The following CXCL5 variants were observed in gnomAD, a reference collection of about 807,000 sequenced individuals.
CXCL5 encodes the protein C-X-C motif chemokine 5.
Under a neutral mutation model 12.1 loss-of-function variants are expected in CXCL5, and 13 were observed. The ratio of observed to expected loss-of-function variants is 1.08; its 90% CI spans 0.70 to 1.71. The LOEUF (loss-of-function observed/expected upper bound fraction) is 1.71. Among genes scored for constraint, CXCL5 ranks in the 40% most tolerant of loss-of-function variants. The pLI is 0.00. For synonymous variants in CXCL5, 67 were observed against 59.0 expected, an observed-to-expected ratio of 1.14 and a Z score of -0.62; for missense variants, 159 against 142.4, an observed-to-expected ratio of 1.12 and a Z score of -0.59.
In CXCL5 at chr4:73,995,875, T is replaced by G. The variant is rs1719180765; in HGVS notation, c.*1762A>C. 1 of 148,934 alleles carries G rather than the reference T, an allele frequency of 6.7e-6. No individual in the cohort carries two copies. Among genetic ancestry groups the G allele is most frequent in the Non-Finnish European group, 1.5e-5 (1 of 67,330 alleles). The allele number at this position is 148,934 out of a possible 1,614,324, so 9.2% of individuals were successfully genotyped here. A position where few individuals can be genotyped will look rare whatever the true frequency, so the allele number is the denominator to read the frequency against. On this transcript the variant is annotated 3_prime_UTR_variant, in exon 4 of 4. Coordinates refer to ENST00000296027, the MANE Select transcript of CXCL5 (RefSeq NM_002994.5). ...AATATATAATATATAAATACATACG[T>G]TTTTACCAAGAAATGTTTTATTTTT...
chr4:73,998,005 C>G lies in CXCL5; in HGVS notation c.326+7G>C, dbSNP rs371956029. The G allele has an allele frequency of 1.1e-5, 18 of 1,612,334 alleles. No individual in the cohort carries two copies. The highest frequency in any genetic ancestry group is 1.5e-5 in the Non-Finnish European group (18 of 1,178,382). ...TTAGAAACCACAAAGATCAAAGTGA[C>G]AAGTACCCGTCCAAAATTTTCTGGA... On this transcript the variant is annotated splice_region_variant and intron_variant, in intron 3 of 3. Transcript: ENST00000296027.
At chr4:73,997,941 T>TAAAG in intron 3 of CXCL5, 71 bp downstream of exon 3, 1 of 1,275,540 alleles carries the variant, frequency 7.8e-7, no homozygotes, top group Non-Finnish European at 1.1e-6. Flanking sequence ...GTACAGAGAA[T>TAAAG]AAAGACCTTG....
Position 73,998,233 on chromosome 4 carries a change from C to T in CXCL5, c.215G>A (p.Gly72Asp), listed in dbSNP as rs199676653. 1.9e-5 allele frequency: 30 copies of T among 1,613,962 alleles called. No individual in the cohort carries two copies. The highest frequency in any genetic ancestry group is 2.4e-5 in the Non-Finnish European group (28 of 1,180,004). Residue 72 changes from glycine (G) to aspartate (D), a missense_variant, in exon 2 of 4, where the codon GGC becomes GAC. Gly to Asp is a moderately conservative substitution (Grantham distance 94). Transcript: ENST00000296027. ...MISNLQVFAI[G>D]PQCSKVEVVA... ...CACTTCCACCTTGGAGCACTGTGGG[C>T]CTATGGCGAACACTTGCAGATTACT...
In CXCL5 at chr4:73,998,284, G is replaced by C; in HGVS notation, c.164C>G (p.Thr55Arg). 2 of 1,614,154 alleles carry C rather than the reference G, an allele frequency of 1.2e-6. No individual in the cohort carries two copies. The highest frequency in any genetic ancestry group is 2.7e-5 in the African/African-American group (2 of 75,038). ...RELRCVCLQT[T>R]QGVHPKMISN... is the part of the protein sequence containing the mutation. ...GATCATTTTGGGATGAACTCCTTGC[G>C]TGGTCTGTAAACAAACGCAACGCAG... Residue 55 changes from threonine (T) to arginine (R), a missense_variant, in exon 2 of 4, where the codon ACG becomes AGG. Coordinates refer to ENST00000296027, the MANE Select transcript of CXCL5 (RefSeq NM_002994.5).
At position 73,996,462 on chromosome 4, in the gene CXCL5, G is replaced by A. The variant is rs920171004; in HGVS notation, c.*1175C>T. On this transcript the variant is annotated 3_prime_UTR_variant, in exon 4 of 4. Coordinates refer to ENST00000296027, the MANE Select transcript of CXCL5 (RefSeq NM_002994.5). ...TGGGGAGGGAACTTGCCCCAGCGTG[G>A]CCACCTTATATATAATTATATATTC... is the stretch of plus-strand genomic sequence containing the variant. 2.0e-5 allele frequency: 3 copies of A among 152,568 alleles called. No individual in the cohort carries two copies. The highest frequency in any genetic ancestry group is 7.2e-5 in the African/African-American group (3 of 41,414). The allele number at this position is 152,568 out of a possible 1,614,324, so 9.5% of individuals were successfully genotyped here.
In CXCL5 at chr4:73,998,207, C is replaced by A; in HGVS notation, c.241G>T (p.Val81Leu). The A allele has an allele frequency of 6.2e-7, 1 of 1,614,218 alleles. No homozygotes were observed. Among genetic ancestry groups the A allele is most frequent in the South Asian group, 1.1e-5 (1 of 91,076 alleles). Residue 81 changes from valine to leucine, a missense_variant and splice_region_variant, in exon 2 of 4, where the codon GTA (valine) becomes TTA (leucine). Coordinates refer to ENST00000296027, the MANE Select transcript of CXCL5 (RefSeq NM_002994.5). ...CGGACACAGCAGCACAGAACTTACACCACTTCCACCTTGGAGCACTGTGGG... is the reference window on the plus strand; with the variant it reads ...CGGACACAGCAGCACAGAACTTACAACACTTCCACCTTGGAGCACTGTGGG... ...IGPQCSKVEV[V>L]ASLKNGKEIC... is the part of the protein sequence containing the mutation.
rs752604189 is a variant in CXCL5 at position 73,998,184 on chromosome 4, G to T, written c.242+22C>A. 34 of 1,614,034 alleles carry T rather than the reference G, an allele frequency of 2.1e-5. No individual in the cohort carries two copies. In the South Asian group the frequency reaches 3.7e-4, roughly 18 times the overall value. ...TTTCTCTCTTGCCAAGGTCACAGCG[G>T]ACACAGCAGCACAGAACTTACACCA... is the stretch of plus-strand genomic sequence containing the variant. On this transcript the variant is annotated intron_variant, in intron 2 of 3. Coordinates refer to ENST00000296027, the MANE Select transcript of CXCL5 (RefSeq NM_002994.5).
At position 73,998,225 on chromosome 4, in the gene CXCL5, ACT is replaced by A; in HGVS notation, c.221_222del (p.Gln74LeufsTer19). 1 of 1,614,252 alleles carries A rather than the reference ACT, an allele frequency of 6.2e-7. No individual in the cohort carries two copies. Among genetic ancestry groups the A allele is most frequent in the Non-Finnish European group, 8.5e-7 (1 of 1,180,048 alleles). ...ACTTACACCACTTCCACCTTGGAGC[ACT>A]GTGGGCCTATGGCGAACACTTGCAG... ...SNLQVFAIGP[Q>X]CSKVEVVASL... is the part of the protein sequence containing the mutation. On this transcript the variant is annotated frameshift_variant, in exon 2 of 4. Transcript: ENST00000296027. LOFTEE classifies it high-confidence loss of function.
rs1317668531 is a variant in CXCL5, at chr4:73,996,787, T to C, written c.*850A>G. The stretch of plus-strand genomic sequence containing the variant: ...GCCTTTACTTTAAAAACTAAAAGAA[T>C]ACATTTCTATATAAACTAGCAGTCA... On this transcript the variant is annotated 3_prime_UTR_variant, in exon 4 of 4. Coordinates refer to ENST00000296027, the MANE Select transcript of CXCL5 (RefSeq NM_002994.5). 6.6e-6 allele frequency: 1 copy of C among 152,562 alleles called. No homozygotes were observed. Among genetic ancestry groups the C allele is most frequent in the African/African-American group, 2.4e-5 (1 of 41,452 alleles). The allele number at this position is 152,562 out of a possible 1,614,324, so 9.5% of individuals were successfully genotyped here. A position where few individuals can be genotyped will look rare whatever the true frequency, so the allele number is the denominator to read the frequency against.
chr4:73,998,096 C>A lies in CXCL5; in HGVS notation c.243-1G>T, dbSNP rs373741602. 2 of 1,613,446 alleles carry A rather than the reference C, an allele frequency of 1.2e-6. No individual in the cohort carries two copies. The highest frequency in any genetic ancestry group is 2.7e-5 in the African/African-American group (2 of 74,766). On this transcript the variant is annotated splice_acceptor_variant, in intron 2 of 3. Coordinates refer to ENST00000296027, the MANE Select transcript of CXCL5 (RefSeq NM_002994.5). LOFTEE classifies it high-confidence loss of function. ...TTCCTTCCCGTTCTTCAGGGAGGCT[C>A]TGAAGGAAAGAAAAAGAAGATACAC...
At position 73,998,526 on chromosome 4, in the gene CXCL5, C is replaced by T. The variant is rs768539018; in HGVS notation, c.56G>A (p.Cys19Tyr). ...ARVPGPSSSL[C>Y]ALLVLLLLLT... ...CAGCAGCAGCAGCACCAACAGCGCGCACAAGGAGCTCGAAGGACCGGGGAC... is the reference window on the plus strand; with the variant it reads ...CAGCAGCAGCAGCACCAACAGCGCGTACAAGGAGCTCGAAGGACCGGGGAC... The change falls in exon 1 of 4, where the codon TGC becomes TAC. Residue 19 changes from cysteine (C) to tyrosine (Y), a missense_variant. By Grantham distance (194) the Cys-to-Tyr change is radical. Transcript: ENST00000296027. 11 of 1,597,282 alleles carry T rather than the reference C, an allele frequency of 6.9e-6. No homozygotes were observed. The highest frequency in any genetic ancestry group is 5.3e-5 in the Admixed American group (3 of 57,082).
Position 73,998,661 on chromosome 4 carries a change from A to G in CXCL5, c.-80T>C. 1 of 1,256,200 alleles carries G rather than the reference A, an allele frequency of 8.0e-7. No homozygotes were observed. Among genetic ancestry groups the G allele is most frequent in the South Asian group, 1.3e-5 (1 of 77,146 alleles). 77.8% of individuals were successfully genotyped at this position (1,256,200 alleles called of 1,614,324 possible). A position where few individuals can be genotyped will look rare whatever the true frequency, so the allele number is the denominator to read the frequency against. ...CGGAGATTGGAGGAGCGAAGATTGG[A>G]GGATCCGGAGCACTGTGGCTTCCTC... On this transcript the variant is annotated 5_prime_UTR_variant, in exon 1 of 4. Coordinates refer to ENST00000296027, the MANE Select transcript of CXCL5 (RefSeq NM_002994.5).
rs1459953230 is a variant in CXCL5 at position 73,996,471 on chromosome 4, T to C, written c.*1166A>G. ...AACTTGCCCCAGCGTGGCCACCTTA[T>C]ATATAATTATATATTCTACCATAAA... On this transcript the variant is annotated 3_prime_UTR_variant, in exon 4 of 4. Transcript: ENST00000296027. 5.2e-5 allele frequency: 8 copies of C among 152,654 alleles called. No homozygotes were observed. The highest frequency in any genetic ancestry group is 1.0e-4 in the Non-Finnish European group (7 of 68,048). 9.5% of individuals were successfully genotyped at this position (152,654 alleles called of 1,614,324 possible). A position where few individuals can be genotyped will look rare whatever the true frequency, so the allele number is the denominator to read the frequency against.
chr4:73,997,147 A>C lies in CXCL5; in HGVS notation c.*490T>G, dbSNP rs1181577773. Reference sequence around the variant, plus strand: ...AAATTCTCTAACATATTCCCCAAGAAACATTAAAATATTTCCTATTTCTTA... The same window carrying C: ...AAATTCTCTAACATATTCCCCAAGACACATTAAAATATTTCCTATTTCTTA... On this transcript the variant is annotated 3_prime_UTR_variant, in exon 4 of 4. Transcript: ENST00000296027. 1.3e-5 allele frequency: 2 copies of C among 152,604 alleles called. No homozygotes were observed. Among genetic ancestry groups the C allele is most frequent in the Admixed American group, 1.3e-4 (2 of 15,290 alleles). The allele number at this position is 152,604 out of a possible 1,614,324, so 9.5% of individuals were successfully genotyped here.
Position 73,998,590 on chromosome 4 carries a change from A to G in CXCL5, c.-9T>C. 1 of 1,575,046 alleles carries G rather than the reference A, an allele frequency of 6.3e-7. No individual in the cohort carries two copies. The highest frequency in any genetic ancestry group is 1.9e-5 in the Admixed American group (1 of 53,930). The stretch of plus-strand genomic sequence containing the variant: ...CTGGACAGGAGGCTCATAGTGGTCA[A>G]GAGAGCGCTGCGAGCGGTCGCGGGT... On this transcript the variant is annotated 5_prime_UTR_variant, in exon 1 of 4. Transcript: ENST00000296027.
chr4:73,997,564 G>T lies in CXCL5; in HGVS notation c.*73C>A. The T allele has an allele frequency of 9.1e-7, 1 of 1,101,012 alleles. No individual in the cohort carries two copies. The highest frequency in any genetic ancestry group is 1.3e-6 in the Non-Finnish European group (1 of 740,952). The allele number at this position is 1,101,012 out of a possible 1,614,324, so 68.2% of individuals were successfully genotyped here. A position where few individuals can be genotyped will look rare whatever the true frequency, so the allele number is the denominator to read the frequency against. ...AAAATCTTTCCTTCTTGTCTTCCCT[G>T]GGTTCAGAGACCTCCAGAAAACTTC... On this transcript the variant is annotated 3_prime_UTR_variant, in exon 4 of 4. Coordinates refer to ENST00000296027, the MANE Select transcript of CXCL5 (RefSeq NM_002994.5).
At position 73,996,891 on chromosome 4, in the gene CXCL5, ATACT is replaced by A. The variant is rs1444134934; in HGVS notation, c.*742_*745del. On this transcript the variant is annotated 3_prime_UTR_variant, in exon 4 of 4. Transcript: ENST00000296027. ...CCAGAATTATGGTACTCCTAATAAA[ATACT>A]TAATAAATAGCATATAAAATCAAAG... 6.6e-6 allele frequency: 1 copy of A among 152,308 alleles called. No individual in the cohort carries two copies. Among genetic ancestry groups the A allele is most frequent in the East Asian group, 1.9e-4 (1 of 5,190 alleles). The allele number at this position is 152,308 out of a possible 1,614,324, so 9.4% of individuals were successfully genotyped here. A position where few individuals can be genotyped will look rare whatever the true frequency, so the allele number is the denominator to read the frequency against.
Position 73,998,632 on chromosome 4 carries a change from G to T in CXCL5, c.-51C>A. 1 of 1,492,178 alleles carries T rather than the reference G, an allele frequency of 6.7e-7. No individual in the cohort carries two copies. The highest frequency in any genetic ancestry group is 9.2e-7 in the Non-Finnish European group (1 of 1,092,648). The allele number at this position is 1,492,178 out of a possible 1,614,324, so 92.4% of individuals were successfully genotyped here. A position where few individuals can be genotyped will look rare whatever the true frequency, so the allele number is the denominator to read the frequency against. ...GTCGCGGGTTCCTGAACTGGGTGGAGGAGCGGAGATTGGAGGAGCGAAGAT... is the reference window on the plus strand; with the variant it reads ...GTCGCGGGTTCCTGAACTGGGTGGATGAGCGGAGATTGGAGGAGCGAAGAT... On this transcript the variant is annotated 5_prime_UTR_variant, in exon 1 of 4. Coordinates refer to ENST00000296027, the MANE Select transcript of CXCL5 (RefSeq NM_002994.5).
rs1719236384 is a variant in CXCL5, at chr4:73,998,075, T to C, written c.263A>G (p.Lys88Arg). The C allele has an allele frequency of 6.2e-7, 1 of 1,614,032 alleles. No homozygotes were observed. ...GGCTTCTGGATCAAGACAAATTTCC[T>C]TCCCGTTCTTCAGGGAGGCTCTGAA... is the stretch of plus-strand genomic sequence containing the variant. ...VEVVASLKNG[K>R]EICLDPEAPF... Residue 88 changes from lysine (K) to arginine (R), a missense_variant, in exon 3 of 4, where the codon AAG becomes AGG. Physicochemically the swap from Lys to Arg is conservative, Grantham distance 26 (BLOSUM62 2). Coordinates refer to ENST00000296027, the MANE Select transcript of CXCL5 (RefSeq NM_002994.5).
Sources: gnomAD v4.1 joint callset for allele counts on GRCh38, gnomAD v4.1.1 for gene constraint, MANE v1.5 for transcripts, NCBI Gene and HGNC (gene_info 2026-07-23, HGNC 2026-07-21) for gene names.